CFAP90: variants seen among roughly 807,000 people sequenced by gnomAD.
The protein encoded by CFAP90 is cilia- and flagella-associated protein 90.
chr5:7,835,150 T>C, the CFAP90 span, among the ~76,000 whole-genome samples: 9 of 152,324 alleles, frequency 5.9e-5, no homozygotes, highest in East Asian at 1.7e-3. Context: ...GATCCTAATT[T>C]GTAAATACTT....
chr5:7,849,975 G>A, the CFAP90 span, among the ~76,000 whole-genome samples: 2 of 152,086 alleles, frequency 1.3e-5, no homozygotes, highest in East Asian at 3.9e-4. Flanking sequence ...TCCAGACCCT[G>A]GGCAGAAAGA....
At chr5:7,846,773 G>C in the CFAP90 span, among the ~76,000 whole-genome samples, 1 of 152,084 alleles carries the variant, frequency 6.6e-6, no homozygotes. Context: ...TTTGGAGACA[G>C]TCTCACTCTG....
the CFAP90 span, chr5:7,835,451 A>G: frequency 2.5e-6 from 4 of 1,606,088 alleles, no homozygotes; most frequent in Non-Finnish European, 3.4e-6. Flanking sequence ...TCTGATCATA[A>G]TCTAGGCGCC....
chr5:7,842,881 C>T, the CFAP90 span, among the ~76,000 whole-genome samples: 1 of 152,188 alleles, frequency 6.6e-6, no homozygotes, highest in African/African-American at 2.4e-5. Flanking sequence ...AAATGCAGAG[C>T]TTAGAAGAAA....
chr5:7,831,813 A>G, the CFAP90 span: 1 of 1,575,728 alleles, frequency 6.3e-7, no homozygotes, highest in African/African-American at 1.3e-5. Flanking sequence ...GCCAGGCCAC[A>G]GGGTATCGGA....
chr5:7,848,830 T>C, the CFAP90 span, among the ~76,000 whole-genome samples: 1 of 152,212 alleles, frequency 6.6e-6, no homozygotes, highest in Non-Finnish European at 1.5e-5. Flanking sequence ...TTCCTCTTCA[T>C]GCTGCCACGT....
chr5:7,841,210 C>T, the CFAP90 span, among the ~76,000 whole-genome samples: 3 of 152,000 alleles, frequency 2.0e-5, no homozygotes, highest in Admixed American at 2.0e-4. Flanking sequence ...ACACATGTGG[C>T]CAACAAACAT....
At chr5:7,835,348 T>C in the CFAP90 span, 1 of 1,219,438 alleles carries the variant, frequency 8.2e-7, no homozygotes, top group East Asian at 2.3e-5. Flanking sequence ...TGTTAATCTG[T>C]TGACAACTTG....
At chr5:7,850,418 C>T in the CFAP90 span, among the ~76,000 whole-genome samples, 2 of 151,848 alleles carry the variant, frequency 1.3e-5, no homozygotes, top group Non-Finnish European at 2.9e-5. Flanking sequence ...TGAGCTCTGT[C>T]CCCGATCCCT....
chr5:7,851,033 C>T, the CFAP90 span: 3 of 1,243,310 alleles, frequency 2.4e-6, no homozygotes, highest in South Asian at 1.1e-4. Flanking sequence ...CCGCCACCGT[C>T]CAGCGCCCCC....
At chr5:7,837,758 T>TGC in the CFAP90 span, among the ~76,000 whole-genome samples, 4 of 152,214 alleles carry the variant, frequency 2.6e-5, no homozygotes, top group African/African-American at 9.7e-5. Context: ...AACAACATGG[T>TGC]CTTTAAGAAT....
the CFAP90 span, among the ~76,000 whole-genome samples, chr5:7,846,952 C>T: frequency 6.6e-6 from 1 of 152,152 alleles, no homozygotes; most frequent in Non-Finnish European, 1.5e-5. Flanking sequence ...ACCACGTTGG[C>T]TGGGCTGGTC....
the CFAP90 span, chr5:7,831,872 A>G: frequency 1.9e-6 from 3 of 1,613,448 alleles, no homozygotes; most frequent in African/African-American, 4.0e-5. Flanking sequence ...AATGTGCCCA[A>G]AGCCGGGTTC....
chr5:7,841,340 G>T, the CFAP90 span, among the ~76,000 whole-genome samples: 2 of 152,152 alleles, frequency 1.3e-5, no homozygotes, highest in African/African-American at 2.4e-5. Flanking sequence ...TGCTGGTGAG[G>T]TTGTGGAGAA....
At chr5:7,835,507 A>C in the CFAP90 span, 1 of 1,476,732 alleles carries the variant, frequency 6.8e-7, no homozygotes, top group Non-Finnish European at 9.3e-7. Context: ...GTCTAGGAAA[A>C]AAAAGAGAAA....
At chr5:7,843,664 G>A in the CFAP90 span, among the ~76,000 whole-genome samples, 2 of 152,014 alleles carry the variant, frequency 1.3e-5, no homozygotes, top group Non-Finnish European at 1.5e-5. Flanking sequence ...CCCCAGCCCA[G>A]CAATTCACAA....
At chr5:7,834,488 T>A in the CFAP90 span, among the ~76,000 whole-genome samples, 1 of 151,962 alleles carries the variant, frequency 6.6e-6, no homozygotes, top group Non-Finnish European at 1.5e-5. Flanking sequence ...AGAAAAAAAT[T>A]TAAAATAAAT....
the CFAP90 span, among the ~76,000 whole-genome samples, chr5:7,838,740 G>A: frequency 6.6e-6 from 1 of 152,138 alleles, no homozygotes; most frequent in Non-Finnish European, 1.5e-5. Flanking sequence ...TGCGTTTTGG[G>A]GAGAACAGCT....
the CFAP90 span, among the ~76,000 whole-genome samples, chr5:7,833,151 G>A: frequency 6.6e-6 from 1 of 152,172 alleles, no homozygotes; most frequent in Non-Finnish European, 1.5e-5. Flanking sequence ...TGACATGACT[G>A]AATAGAGGGA....
Sources: gnomAD v4.1 joint callset for allele counts (sites outside exome capture counted in the v4.1 genomes callset) on GRCh38, gnomAD v4.1.1 for gene constraint, MANE v1.5 for transcripts, NCBI Gene and HGNC (gene_info 2026-07-23, HGNC 2026-07-21) for gene names.